PPFIA2: variants seen among roughly 807,000 people sequenced by gnomAD.
PPFIA2 encodes liprin-alpha-2.
PPFIA2 carries 46 observed loss-of-function variants against 175.5 expected under a neutral mutation model. The observed-to-expected ratio is 0.26, with a 90% CI of 0.21 to 0.34. PPFIA2 has a LOEUF of 0.34. Ranked by LOEUF, PPFIA2 falls within the 10% of genes least tolerant of loss-of-function variation. The probability of loss-of-function intolerance (pLI) is 1.00; values close to 1 mark genes in which losing one functional copy is unlikely to be tolerated. For missense variants in PPFIA2, 1,179 were observed against 1,506.1 expected (o/e 0.78, Z 3.60); for synonymous variants, 568 against 511.4 (o/e 1.11, Z -1.49).
chr12:81,540,786 A>G (rs1294296546), intron 4 of PPFIA2, among the ~76,000 whole-genome samples: 1 of 152,012 alleles, frequency 6.6e-6, no homozygotes, highest in Non-Finnish European at 1.5e-5. Flanking sequence ...GGCCTATTTA[A>G]ATGAAAATAA....
intron 4 of PPFIA2, among the ~76,000 whole-genome samples, chr12:81,572,013 A>T (rs2072641036): frequency 6.6e-6 from 1 of 152,072 alleles, no homozygotes; most frequent in Non-Finnish European, 1.5e-5. Context: ...AAGAGCACTG[A>T]AGAGAGAACC....
At chr12:81,662,381 C>T (rs561924019) in intron 4 of PPFIA2, among the ~76,000 whole-genome samples, 2 of 152,106 alleles carry the variant, frequency 1.3e-5, no homozygotes, top group Non-Finnish European at 2.9e-5. Context: ...TACCACCAAT[C>T]CCACGGAAAT....
At chr12:81,595,683 G>T (rs1430069952) in intron 4 of PPFIA2, among the ~76,000 whole-genome samples, 1 of 152,088 alleles carries the variant, frequency 6.6e-6, no homozygotes, top group African/African-American at 2.4e-5. Flanking sequence ...GAAGAGCAAG[G>T]TCTTGTACTA....
At chr12:81,382,568 T>G (rs2037974317) in intron 9 of PPFIA2, among the ~76,000 whole-genome samples, 1 of 152,110 alleles carries the variant, frequency 6.6e-6, no homozygotes, top group Non-Finnish European at 1.5e-5. Context: ...GGTCCCATTA[T>G]GAATACTTTG....
intron 3 of PPFIA2, among the ~76,000 whole-genome samples, chr12:81,720,316 C>T (rs2079152025): frequency 6.6e-6 from 1 of 151,470 alleles, no homozygotes; most frequent in Non-Finnish European, 1.5e-5. Context: ...GGAAAAATTG[C>T]TTTAAATTAC....
At chr12:81,395,604 CA>C (rs1251495403) in intron 8 of PPFIA2, among the ~76,000 whole-genome samples, 2 of 152,062 alleles carry the variant, frequency 1.3e-5, no homozygotes, top group Middle Eastern at 3.4e-3. Context: ...CTTCTTTCCA[CA>C]AGGAATGTAA....
At chr12:81,528,096 C>G (rs1594521819) in intron 4 of PPFIA2, among the ~76,000 whole-genome samples, 1 of 151,874 alleles carries the variant, frequency 6.6e-6, no homozygotes, top group Non-Finnish European at 1.5e-5. Flanking sequence ...TTCTATTAAC[C>G]TCATTATTTC....
At chr12:81,661,252 G>A (rs1019965643) in intron 4 of PPFIA2, among the ~76,000 whole-genome samples, 1 of 152,114 alleles carries the variant, frequency 6.6e-6, no homozygotes, top group Non-Finnish European at 1.5e-5. Flanking sequence ...ACACAGACTG[G>A]CAAACTGGAT....
intron 7 of PPFIA2, among the ~76,000 whole-genome samples, chr12:81,437,806 T>G (rs1199653656): frequency 6.6e-6 from 1 of 152,126 alleles, no homozygotes; most frequent in Admixed American, 6.5e-5. Context: ...CAGGAACAAG[T>G]ACACCCCATC....
At chr12:81,536,745 C>T (rs908306814) in intron 4 of PPFIA2, among the ~76,000 whole-genome samples, 5 of 136,666 alleles carry the variant, frequency 3.7e-5, no homozygotes, top group South Asian at 2.3e-4. Context: ...TATACATAAA[C>T]ATATATATAT....
intron 4 of PPFIA2, among the ~76,000 whole-genome samples, chr12:81,500,289 C>T (rs1353734837): frequency 2.0e-5 from 3 of 152,138 alleles, no homozygotes; most frequent in African/African-American, 7.2e-5. Context: ...GCAAGATACC[C>T]TCCCTATCCT....
chr12:81,663,817 C>A (rs1320177354), intron 4 of PPFIA2, among the ~76,000 whole-genome samples: 1 of 152,170 alleles, frequency 6.6e-6, no homozygotes, highest in Non-Finnish European at 1.5e-5. Context: ...ACCAAAACAG[C>A]ATGGTACTGG....
chr12:81,434,403 A>C (rs1226999326), intron 7 of PPFIA2, among the ~76,000 whole-genome samples: 1 of 152,132 alleles, frequency 6.6e-6, no homozygotes, highest in Non-Finnish European at 1.5e-5. Flanking sequence ...ACAGCAAAAG[A>C]GATAAGCAAT....
intron 4 of PPFIA2, among the ~76,000 whole-genome samples, chr12:81,559,649 G>GT (rs1555485764): frequency 2.0e-5 from 3 of 152,064 alleles, no homozygotes; most frequent in Non-Finnish European, 4.4e-5. Context: ...TTGCTATTGT[G>GT]TCAAGGATTT....
At chr12:81,743,201 G>A (rs2153656054) in intron 3 of PPFIA2, among the ~76,000 whole-genome samples, 1 of 151,476 alleles carries the variant, frequency 6.6e-6, no homozygotes, top group East Asian at 1.9e-4. Flanking sequence ...GGTCAATCAC[G>A]AGGTCAGGAG....
chr12:81,519,017 A>T (rs1308015870), intron 4 of PPFIA2, among the ~76,000 whole-genome samples: 2 of 152,168 alleles, frequency 1.3e-5, no homozygotes, highest in Non-Finnish European at 2.9e-5. Flanking sequence ...CAATTGTGTA[A>T]AGCCAATGAT....
chr12:81,473,299 C>T (rs1222586913), intron 4 of PPFIA2, among the ~76,000 whole-genome samples: 5 of 152,052 alleles, frequency 3.3e-5, no homozygotes, highest in African/African-American at 1.2e-4. Flanking sequence ...ATCTCAGCTA[C>T]TAGGGAGGCT....
chr12:81,518,429 T>C (rs2062720455), intron 4 of PPFIA2, among the ~76,000 whole-genome samples: 1 of 152,204 alleles, frequency 6.6e-6, no homozygotes. Flanking sequence ...TCAGTAATTC[T>C]TCAAAGCTAG....
chr12:81,457,166 T>C (rs1429410823), intron 5 of PPFIA2, among the ~76,000 whole-genome samples: 2 of 151,954 alleles, frequency 1.3e-5, no homozygotes, highest in Non-Finnish European at 2.9e-5. Flanking sequence ...GTATTTATAG[T>C]AGAAATGGGG....
Sources: gnomAD v4.1 joint callset for allele counts (sites outside exome capture counted in the v4.1 genomes callset) on GRCh38, gnomAD v4.1.1 for gene constraint, MANE v1.5 for transcripts, NCBI Gene and HGNC (gene_info 2026-07-23, HGNC 2026-07-21) for gene names.